ABI3BP: variants seen among roughly 807,000 people sequenced by gnomAD.
The protein encoded by ABI3BP is target of Nesh-SH3.
ABI3BP carries 216 observed loss-of-function variants against 268.6 expected under a neutral mutation model. That is an observed-to-expected ratio of 0.80 (90% CI 0.72 to 0.90). ABI3BP has a LOEUF of 0.90. Ranked by LOEUF, ABI3BP falls within the 40% of genes least tolerant of loss-of-function variation. The pLI is 0.00. For missense variants in ABI3BP, 2,090 were observed against 2,182.4 expected, an observed-to-expected ratio of 0.96 and a Z score of 0.84; for synonymous variants, 730 against 730.0, an observed-to-expected ratio of 1.00 and a Z score of 0.00.
At chr3:100,834,971 T>A (rs1160805267) in intron 28 of ABI3BP, among the ~76,000 whole-genome samples, 198 bp from the exon 29 acceptor site, 1 of 152,250 alleles carries the variant, frequency 6.6e-6, no homozygotes, top group African/African-American at 2.4e-5. Context: ...AGATGGAATA[T>A]ATGTAATTTA....
At chr3:100,905,889 C>T (rs2053196931) in intron 2 of ABI3BP, among the ~76,000 whole-genome samples, 1 of 151,886 alleles carries the variant, frequency 6.6e-6, no homozygotes, top group Non-Finnish European at 1.5e-5. Context: ...AAAGGAGAAA[C>T]CACAAAAAGG....
At chr3:100,954,382 T>C (rs1584777123) in intron 1 of ABI3BP, among the ~76,000 whole-genome samples, 1 of 152,276 alleles carries the variant, frequency 6.6e-6, no homozygotes. Context: ...ACCCTTTGGA[T>C]AGAATTTCAC....
intron 58 of ABI3BP, among the ~76,000 whole-genome samples, chr3:100,779,174 G>T (rs1002331912): frequency 2.6e-5 from 4 of 152,158 alleles, no homozygotes; most frequent in African/African-American, 7.2e-5. Flanking sequence ...ACTTCTCAAA[G>T]ACTACATCGA....
intron 33 of ABI3BP, among the ~76,000 whole-genome samples, chr3:100,829,286 T>C (rs986369149): frequency 3.9e-5 from 6 of 152,202 alleles, no homozygotes; most frequent in African/African-American, 1.4e-4. Flanking sequence ...ACGTGACTCC[T>C]ATAGTTAACA....
intron 38 of ABI3BP, among the ~76,000 whole-genome samples, chr3:100,822,017 G>T (rs535382016): frequency 4.6e-5 from 7 of 152,070 alleles, no homozygotes; most frequent in Non-Finnish European, 7.4e-5. Flanking sequence ...CCTGTGCCTT[G>T]GTGATTTCAA....
chr3:100,816,307 AG>A, intron 43 of ABI3BP: 1 of 450,474 alleles, frequency 2.2e-6, no homozygotes, highest in East Asian at 4.1e-5. Context: ...TATATATGAA[AG>A]TAACTTGTTG....
chr3:100,871,345 T>A (rs576477407), intron 9 of ABI3BP, among the ~76,000 whole-genome samples: 1 of 152,226 alleles, frequency 6.6e-6, no homozygotes, highest in Non-Finnish European at 1.5e-5. Flanking sequence ...AGAAACATGG[T>A]CTACTAAGTT....
intron 49 of ABI3BP, 118 bp from the exon 50 acceptor site, chr3:100,808,353 A>G (rs2097768584): frequency 1.5e-6 from 1 of 647,642 alleles, no homozygotes; most frequent in Non-Finnish European, 2.5e-6. Context: ...TCAACAATGA[A>G]GGCTTCTAAA....
At chr3:100,900,359 G>T (rs1030446195) in intron 3 of ABI3BP, among the ~76,000 whole-genome samples, 2 of 152,184 alleles carry the variant, frequency 1.3e-5, no homozygotes, top group African/African-American at 4.8e-5. Context: ...CTAACGTGAT[G>T]CAACGATCTC....
chr3:100,752,144 T>G lies in ABI3BP; in HGVS notation c.5123-470A>C, dbSNP rs116608524. On this transcript the variant is annotated intron_variant, in intron 66 of 67. Coordinates refer to ENST00000471714, the MANE Select transcript of ABI3BP (RefSeq NM_001375547.2). Reference sequence around the variant, plus strand: ...TAACTTTTTAGAGAGGCCTTCACCTTTTTGAAAATGTTCTTTAAAGTACCT... The same window carrying G: ...TAACTTTTTAGAGAGGCCTTCACCTGTTTGAAAATGTTCTTTAAAGTACCT... 4.8e-3 allele frequency among the ~76,000 whole-genome samples: 725 copies of G among 152,334 alleles called. 4 individuals are homozygous for G. Among genetic ancestry groups the G allele is most frequent in the Non-Finnish European group, 5.9e-3 (404 of 68,026 alleles).
At chr3:100,877,105 C>T (rs542387259) in intron 6 of ABI3BP, among the ~76,000 whole-genome samples, 1 of 152,266 alleles carries the variant, frequency 6.6e-6, no homozygotes, top group African/African-American at 2.4e-5. Context: ...TCAGAACTCC[C>T]ATTAGTTCAC....
intron 11 of ABI3BP, 49 bp downstream of exon 11, chr3:100,864,784 T>G (rs1025357695): frequency 4.3e-6 from 6 of 1,399,110 alleles, no homozygotes; most frequent in Non-Finnish European, 4.9e-6. Context: ...GGGAGTTATT[T>G]CGTTGTTACT....
intron 1 of ABI3BP, among the ~76,000 whole-genome samples, chr3:100,953,684 A>G (rs936534055): frequency 6.6e-6 from 1 of 152,170 alleles, no homozygotes; most frequent in Non-Finnish European, 1.5e-5. Context: ...AATGCTTTAC[A>G]TTTCTTGAAT....
chr3:100,796,265 T>A, intron 52 of ABI3BP, 144 bp downstream of exon 52: 1 of 620,994 alleles, frequency 1.6e-6, no homozygotes, highest in South Asian at 2.8e-5. Flanking sequence ...TGATTCAATT[T>A]ACCCACAAGA....
At chr3:100,907,028 A>AT (rs879320704) in intron 2 of ABI3BP, among the ~76,000 whole-genome samples, 99 of 152,282 alleles carry the variant, frequency 6.5e-4, no homozygotes, top group Admixed American at 2.2e-3. Flanking sequence ...ATGTTTAACA[A>AT]TTTTTTTGTT....
intron 1 of ABI3BP, among the ~76,000 whole-genome samples, chr3:100,937,591 C>T (rs564997080): frequency 6.6e-6 from 1 of 152,174 alleles, no homozygotes; most frequent in South Asian, 2.1e-4. Context: ...CCACCCTATA[C>T]AGACTCTCCG....
intron 60 of ABI3BP, 146 bp from the exon 61 acceptor site, chr3:100,774,819 A>G (rs1381488411): frequency 1.5e-6 from 1 of 673,080 alleles, no homozygotes; most frequent in African/African-American, 1.8e-5. Flanking sequence ...ATATTCATCC[A>G]CAATATAAGG....
chr3:100,761,084 T>C (rs2095914744), intron 63 of ABI3BP, among the ~76,000 whole-genome samples: 1 of 152,146 alleles, frequency 6.6e-6, no homozygotes, highest in African/African-American at 2.4e-5. Context: ...TATGTCCATG[T>C]GTTCTCCTCA....
At position 100,851,915 on chromosome 3, in the gene ABI3BP, A is replaced by G; in HGVS notation, c.1311T>C (p.Pro437=). 6.4e-7 allele frequency: 1 copy of G among 1,564,100 alleles called. No individual in the cohort carries two copies. Among genetic ancestry groups the G allele is most frequent in the Non-Finnish European group, 8.7e-7 (1 of 1,147,416 alleles). ...QTATYDVFSS[P]TTSDEPEISD... is the part of the protein sequence containing the mutation. ...ATATCTCAGGCTCATCTGATGTTGTAGGGCTTGAGAAAACATCATAAGTTG... is the reference window on the plus strand; with the variant it reads ...ATATCTCAGGCTCATCTGATGTTGTGGGGCTTGAGAAAACATCATAAGTTG... Residue 437 remains proline, a synonymous_variant, in exon 15 of 68, where the codon CCT becomes CCC. Coordinates refer to ENST00000471714, the MANE Select transcript of ABI3BP (RefSeq NM_001375547.2).
Sources: allele counts gnomAD v4.1 joint callset (sites outside exome capture counted in the v4.1 genomes callset), GRCh38; gene constraint gnomAD v4.1.1; transcripts MANE v1.5; gene names NCBI Gene and HGNC (gene_info 2026-07-23, HGNC 2026-07-21).